Variants in PDE9A observed in about 807,000 individuals in gnomAD.
PDE9A encodes phosphodiesterase 9A.
PDE9A carries 60 observed loss-of-function variants against 87.4 expected under a neutral mutation model. The observed-to-expected ratio is 0.69, with a 90% CI of 0.56 to 0.85. The LOEUF is 0.85. Ranked by LOEUF, PDE9A falls within the 40% of genes least tolerant of loss-of-function variation. The pLI, the probability that PDE9A is intolerant of heterozygous loss-of-function variation, is 0.00. For synonymous variants in PDE9A, 272 were observed against 279.4 expected (o/e 0.97, Z 0.27); for missense variants, 665 against 779.0 (o/e 0.85, Z 1.74).
In PDE9A at chr21:42,729,138, G is replaced by A. The variant is rs190211310; in HGVS notation, c.263-2632G>A. ...AGAACCATCTTGGCCTGGACATTTCGTTTTGGGGAGTTTTTAAATTACAAA... is the reference window on the plus strand; with the variant it reads ...AGAACCATCTTGGCCTGGACATTTCATTTTGGGGAGTTTTTAAATTACAAA... On this transcript the variant is annotated intron_variant, in intron 4 of 19. Transcript: ENST00000291539. 3.5e-4 allele frequency among the ~76,000 whole-genome samples: 53 copies of A among 152,132 alleles called. 1 individual carries two copies. The highest frequency in any genetic ancestry group is 3.0e-3 in the Admixed American group (46 of 15,266).
intron 9 of PDE9A, among the ~76,000 whole-genome samples, chr21:42,753,646 T>A (rs1048620945): frequency 2.0e-5 from 3 of 151,872 alleles, no homozygotes; most frequent in African/African-American, 7.3e-5. Flanking sequence ...GTGGATCACC[T>A]GAGGTCAGGA....
At chr21:42,729,845 C>G (rs2051533372) in intron 4 of PDE9A, among the ~76,000 whole-genome samples, 1 of 152,132 alleles carries the variant, frequency 6.6e-6, no homozygotes, top group Non-Finnish European at 1.5e-5. Flanking sequence ...CTACTTTGAT[C>G]CTCGTGTGGT....
intron 16 of PDE9A, 109 bp downstream of exon 16, chr21:42,768,401 T>A: frequency 9.9e-7 from 1 of 1,009,212 alleles, no homozygotes. Context: ...TTCCCCGGGC[T>A]GCCGACAGTT....
chr21:42,773,921 G>A lies in PDE9A; in HGVS notation c.1769-1359G>A, dbSNP rs530716704. Among the ~76,000 whole-genome samples the A allele has an allele frequency of 6.2e-3, 940 of 151,044 alleles. 8 individuals carry two copies. The highest frequency in any genetic ancestry group is 9.7e-3 in the Non-Finnish European group (656 of 67,846). ...AGATCGAGACCATCCTGGCTAACACGGTGAAACCCTTCTCTACTAAAAATA... is the reference window on the plus strand; with the variant it reads ...AGATCGAGACCATCCTGGCTAACACAGTGAAACCCTTCTCTACTAAAAATA... On this transcript the variant is annotated intron_variant, in intron 19 of 19. Coordinates refer to ENST00000291539, the MANE Select transcript of PDE9A (RefSeq NM_002606.3).
chr21:42,724,354 T>C (rs1238262206), intron 4 of PDE9A, among the ~76,000 whole-genome samples: 1 of 152,220 alleles, frequency 6.6e-6, no homozygotes, highest in Non-Finnish European at 1.5e-5. Context: ...GGGCTGGTGC[T>C]GTCCTGAGCA....
intron 10 of PDE9A, chr21:42,758,673 G>C (rs1798271621): frequency 3.3e-6 from 1 of 301,100 alleles, no homozygotes; most frequent in Admixed American, 4.6e-5. Context: ...TTGTGAACGG[G>C]TGCACTCTCT....
intron 2 of PDE9A, 129 bp from the exon 3 acceptor site, chr21:42,687,788 A>T: frequency 2.7e-6 from 2 of 731,188 alleles, no homozygotes; most frequent in Non-Finnish European, 4.8e-6. Context: ...TTCCCATCCC[A>T]CCACACCTTG....
At chr21:42,752,205 G>A (rs995625081) in intron 9 of PDE9A, among the ~76,000 whole-genome samples, 7 of 152,142 alleles carry the variant, frequency 4.6e-5, no homozygotes, top group East Asian at 1.9e-4. Flanking sequence ...CCATTAGTCC[G>A]TGATTCTATC....
chr21:42,689,574 G>A, intron 3 of PDE9A: 1 of 985,490 alleles, frequency 1.0e-6, no homozygotes, highest in Non-Finnish European at 1.2e-6. Context: ...GTATCTGAGA[G>A]AAACTGCTTT....
intron 1 of PDE9A, among the ~76,000 whole-genome samples, chr21:42,667,695 C>A (rs2058100717): frequency 6.6e-6 from 1 of 152,104 alleles, no homozygotes; most frequent in African/African-American, 2.4e-5. Flanking sequence ...TACCTTTATT[C>A]CAAAAGCCTT....
intron 4 of PDE9A, among the ~76,000 whole-genome samples, chr21:42,712,989 T>A (rs1288036819): frequency 6.6e-6 from 1 of 152,190 alleles, no homozygotes; most frequent in Non-Finnish European, 1.5e-5. Context: ...CACTTATATT[T>A]CCAGGAAATG....
At chr21:42,665,827 C>T (rs1009517347) in intron 1 of PDE9A, among the ~76,000 whole-genome samples, 3 of 152,226 alleles carry the variant, frequency 2.0e-5, no homozygotes, top group Non-Finnish European at 4.4e-5. Context: ...GCAGCTCACC[C>T]GTGAGAGGGC....
rs919054864 is a variant in PDE9A, at chr21:42,659,700, G to C, written c.69+5817G>C. Among the ~76,000 whole-genome samples, 2 of 152,166 alleles carry C rather than the reference G, an allele frequency of 1.3e-5. No individual in the cohort carries two copies. The highest frequency in any genetic ancestry group is 4.8e-5 in the African/African-American group (2 of 41,444). Reference sequence around the variant, plus strand: ...CACTCCCCGAGTCCACTGTGAGCTAGAACCACAGGCTCCCATGAAGAAGGA... The same window carrying C: ...CACTCCCCGAGTCCACTGTGAGCTACAACCACAGGCTCCCATGAAGAAGGA... On this transcript the variant is annotated intron_variant, in intron 1 of 19. Transcript: ENST00000291539. This position sits in a 1 kb window ranked among gnomAD's most constrained non-coding sequence, Gnocchi z 4.1.
intron 8 of PDE9A, among the ~76,000 whole-genome samples, chr21:42,746,690 C>T (rs752637905): frequency 1.3e-5 from 2 of 152,302 alleles, no homozygotes; most frequent in African/African-American, 2.4e-5. Flanking sequence ...TAACACACCA[C>T]GTGGGAGGAT....
intron 4 of PDE9A, among the ~76,000 whole-genome samples, chr21:42,708,043 C>A (rs1427146664): frequency 6.6e-6 from 1 of 152,148 alleles, no homozygotes; most frequent in East Asian, 1.9e-4. Context: ...CAAGTTAATG[C>A]TGGATGTCTG....
chr21:42,697,845 T>C (rs2060225769), intron 3 of PDE9A, among the ~76,000 whole-genome samples: 1 of 152,190 alleles, frequency 6.6e-6, no homozygotes, highest in Non-Finnish European at 1.5e-5. Context: ...GGCTTCATTA[T>C]ATGAATTTGG....
intron 1 of PDE9A, among the ~76,000 whole-genome samples, chr21:42,656,033 G>A (rs1212377727): frequency 2.0e-5 from 3 of 152,210 alleles, no homozygotes; most frequent in East Asian, 1.9e-4. Flanking sequence ...GGGTTGCACC[G>A]GGCTCAGCTG....
At chr21:42,703,210 T>C (rs756128710) in intron 4 of PDE9A, among the ~76,000 whole-genome samples, 12 of 152,206 alleles carry the variant, frequency 7.9e-5, no homozygotes, top group Non-Finnish European at 1.2e-4. Context: ...GTGGGCTTGG[T>C]CTGCTCATCA....
At chr21:42,703,205 C>T (rs1292688517) in intron 4 of PDE9A, among the ~76,000 whole-genome samples, 2 of 152,226 alleles carry the variant, frequency 1.3e-5, no homozygotes, top group Non-Finnish European at 2.9e-5. Flanking sequence ...TGCGGGTGGG[C>T]TTGGTCTGCT....
Sources: gnomAD v4.1 joint callset for allele counts (sites outside exome capture counted in the v4.1 genomes callset) on GRCh38, gnomAD v4.1.1 for gene constraint, Gnocchi (gnomAD v3.1) non-coding constraint, MANE v1.5 for transcripts, NCBI Gene and HGNC (gene_info 2026-07-23, HGNC 2026-07-21) for gene names.